The following CADPS2 variants were observed in gnomAD, a reference collection of about 807,000 sequenced individuals.
CADPS2 encodes the protein calcium-dependent secretion activator 2.
CADPS2 carries 93 observed loss-of-function variants against 172.5 expected under a neutral mutation model. The observed-to-expected ratio is 0.54, with a 90% CI of 0.46 to 0.64. The LOEUF (loss-of-function observed/expected upper bound fraction) is 0.64. Ranked by LOEUF, CADPS2 falls within the 30% of genes least tolerant of loss-of-function variation. The pLI, the probability that CADPS2 is intolerant of heterozygous loss-of-function variation, is 0.00. For synonymous variants in CADPS2, 546 were observed against 555.2 expected, an observed-to-expected ratio of 0.98 and a Z score of 0.23; for missense variants, 1,420 against 1,565.9, an observed-to-expected ratio of 0.91 and a Z score of 1.57.
At chr7:122,347,900 T>C (rs1433420960) in intron 27 of CADPS2, among the ~76,000 whole-genome samples, 1 of 152,158 alleles carries the variant, frequency 6.6e-6, no homozygotes, top group African/African-American at 2.4e-5. Flanking sequence ...AATGAGAACA[T>C]TCAAAAAACC....
Position 122,491,314 on chromosome 7 carries a change from G to C in CADPS2, c.1649C>G (p.Pro550Arg). ...GYTVDYTDPH[P>R]GLQGGCMFFN... is the part of the protein sequence containing the mutation. Reference sequence around the variant, plus strand: ...AAAGTGATTCAATTAAGATTTACCTGGGTGGGGATCGGTATAATCCACAGT... The same window carrying C: ...AAAGTGATTCAATTAAGATTTACCTCGGTGGGGATCGGTATAATCCACAGT... Residue 550 changes from proline (P) to arginine (R), a missense_variant and splice_region_variant, in exon 10 of 30, where the codon CCA becomes CGA. Physicochemically the swap from Pro to Arg is moderately radical, Grantham distance 103. Transcript: ENST00000449022. The C allele has an allele frequency of 1.3e-6, 2 of 1,587,100 alleles. No individual in the cohort carries two copies. Among genetic ancestry groups the C allele is most frequent in the Non-Finnish European group, 1.7e-6 (2 of 1,163,746 alleles).
At chr7:122,575,833 G>A (rs987236737) in intron 7 of CADPS2, among the ~76,000 whole-genome samples, 5 of 152,018 alleles carry the variant, frequency 3.3e-5, no homozygotes, top group East Asian at 1.9e-4. Context: ...CACTATAGAC[G>A]TTTTACGTTT....
chr7:122,539,472 T>G (rs2062676252), intron 8 of CADPS2, among the ~76,000 whole-genome samples: 1 of 152,134 alleles, frequency 6.6e-6, no homozygotes, highest in Admixed American at 6.6e-5. Context: ...GATACCTATG[T>G]GGGCAGGAGC....
intron 1 of CADPS2, among the ~76,000 whole-genome samples, chr7:122,818,176 C>A (rs1309132305): frequency 6.6e-6 from 1 of 151,714 alleles, no homozygotes; most frequent in Non-Finnish European, 1.5e-5. Flanking sequence ...TCACTATGGG[C>A]AACCTTCCAC....
chr7:122,527,034 C>T (rs2061294391), intron 8 of CADPS2, among the ~76,000 whole-genome samples: 1 of 152,026 alleles, frequency 6.6e-6, no homozygotes, highest in Non-Finnish European at 1.5e-5. Flanking sequence ...AAATATTTTG[C>T]AAAAATTATA....
At chr7:122,360,880 C>A in intron 26 of CADPS2, 50 bp downstream of exon 26, 1 of 1,597,410 alleles carries the variant, frequency 6.3e-7, no homozygotes, top group South Asian at 1.1e-5. Flanking sequence ...CATATAAGTA[C>A]TATGACAACA....
chr7:122,562,501 G>A, intron 7 of CADPS2, among the ~76,000 whole-genome samples: 1 of 152,156 alleles, frequency 6.6e-6, no homozygotes, highest in East Asian at 1.9e-4. Context: ...ACCCTGCTGA[G>A]AGCTTGATTT....
intron 25 of CADPS2, chr7:122,367,006 C>T (rs952922190): frequency 3.3e-5 from 5 of 152,102 alleles, no homozygotes; most frequent in African/African-American, 1.2e-4. Flanking sequence ...TGTTCCTCCA[C>T]AAATAAAGTG....
rs532932439 is a variant in CADPS2, at chr7:122,751,963, A to T, written c.340-14895T>A. ...AGCATTTAGAAGCATTATCCTGAAG[A>T]AGAGCGAGTCCTTAGATACTCCCAT... On this transcript the variant is annotated intron_variant, in intron 1 of 29. Coordinates refer to ENST00000449022, the MANE Select transcript of CADPS2 (RefSeq NM_017954.11). Among the ~76,000 whole-genome samples, 6 of 152,264 alleles carry T rather than the reference A, an allele frequency of 3.9e-5. No individual in the cohort carries two copies. In the South Asian group the frequency reaches 1.2e-3, roughly 32 times the overall value.
chr7:122,733,274 AAAGT>A (rs2137626163), intron 2 of CADPS2, among the ~76,000 whole-genome samples: 1 of 152,104 alleles, frequency 6.6e-6, no homozygotes, highest in South Asian at 2.1e-4. Flanking sequence ...AATTGTGGAG[AAAGT>A]AAGAATAAAA....
chr7:122,462,752 T>A (rs746179525), intron 14 of CADPS2, among the ~76,000 whole-genome samples: 3 of 152,178 alleles, frequency 2.0e-5, no homozygotes, highest in African/African-American at 7.2e-5. Flanking sequence ...TTAGTTATGA[T>A]GATCATCACC....
intron 1 of CADPS2, among the ~76,000 whole-genome samples, chr7:122,811,723 A>G (rs1212763477): frequency 2.0e-5 from 3 of 152,140 alleles, no homozygotes; most frequent in Non-Finnish European, 4.4e-5. Flanking sequence ...TCTTTGGTGC[A>G]TATTAGATAA....
intron 2 of CADPS2, among the ~76,000 whole-genome samples, chr7:122,709,772 T>C (rs540414047): frequency 2.6e-4 from 39 of 151,594 alleles, no homozygotes; most frequent in African/African-American, 8.5e-4. Context: ...ATGGATGAAA[T>C]TGGAAATCAT....
intron 3 of CADPS2, among the ~76,000 whole-genome samples, chr7:122,637,208 T>TTTTTTC (rs778963218): frequency 3.2e-5 from 2 of 62,664 alleles, no homozygotes; most frequent in Admixed American, 2.6e-4. Context: ...TTTTTTTTTT[T>TTTTTTC]CCTGAGACAG....
At chr7:122,767,364 A>G (rs2093585697) in intron 1 of CADPS2, among the ~76,000 whole-genome samples, 1 of 152,184 alleles carries the variant, frequency 6.6e-6, no homozygotes, top group African/African-American at 2.4e-5. Context: ...GATAAGTGAT[A>G]GAGCTGGGAT....
rs1373373249 is a variant in CADPS2, at chr7:122,837,511, A to T, written c.339+48488T>A. ...AGGAACTGGTTTTTTGAAGAGATCA[A>T]CAAAATTGATAGACCACTAGCAAGA... On this transcript the variant is annotated intron_variant, in intron 1 of 29. Transcript: ENST00000449022. 5.9e-5 allele frequency among the ~76,000 whole-genome samples: 9 copies of T among 152,346 alleles called. No homozygotes were observed. The South Asian group carries it at 8.3e-4, about 14-fold the overall frequency.
At chr7:122,339,238 A>G (rs1396708373) in intron 28 of CADPS2, among the ~76,000 whole-genome samples, 1 of 152,194 alleles carries the variant, frequency 6.6e-6, no homozygotes, top group East Asian at 1.9e-4. Context: ...AATACATACA[A>G]AGAAGTGTAT....
chr7:122,422,582 T>C (rs2048655786), intron 17 of CADPS2, among the ~76,000 whole-genome samples: 1 of 152,128 alleles, frequency 6.6e-6, no homozygotes, highest in Admixed American at 6.5e-5. Context: ...CATAAACAAA[T>C]TGTTCTAATT....
intron 9 of CADPS2, among the ~76,000 whole-genome samples, chr7:122,493,037 A>G (rs1368236438): frequency 6.6e-6 from 1 of 152,202 alleles, no homozygotes; most frequent in Non-Finnish European, 1.5e-5. Context: ...TATGAAAGAC[A>G]GAGAAAATAT....
Sources: gnomAD v4.1 joint callset for allele counts (sites outside exome capture counted in the v4.1 genomes callset) on GRCh38, gnomAD v4.1.1 for gene constraint, MANE v1.5 for transcripts, NCBI Gene and HGNC (gene_info 2026-07-23, HGNC 2026-07-21) for gene names.